The following BMAL1 variants were observed in gnomAD, a reference collection of about 807,000 sequenced individuals.
The protein encoded by BMAL1 is basic helix-loop-helix ARNT like 1, also known as basic helix-loop-helix ARNT-like protein 1.
At chr11:13,386,453 G>C in the BMAL1 span, 6 of 835,204 alleles carry the variant, frequency 7.2e-6, no homozygotes, top group African/African-American at 6.9e-5. Flanking sequence ...TATAAAAAAA[G>C]ATAGCCATGC....
the BMAL1 span, among the ~76,000 whole-genome samples, chr11:13,279,229 T>G: frequency 6.6e-6 from 1 of 152,216 alleles, no homozygotes; most frequent in South Asian, 2.1e-4. Flanking sequence ...CTTCCAAAAA[T>G]CAGATTCCGT....
chr11:13,328,143 T>C, the BMAL1 span, among the ~76,000 whole-genome samples: 1 of 152,208 alleles, frequency 6.6e-6, no homozygotes, highest in Admixed American at 6.5e-5. Flanking sequence ...ACACAAGCCA[T>C]GGCCTGCATC....
the BMAL1 span, among the ~76,000 whole-genome samples, chr11:13,282,941 G>T: frequency 1.3e-5 from 2 of 152,190 alleles, no homozygotes; most frequent in Admixed American, 6.5e-5. Flanking sequence ...CTGCATAGAG[G>T]TGGGGGTGCA....
At chr11:13,369,129 C>T in the BMAL1 span, among the ~76,000 whole-genome samples, 11 of 152,226 alleles carry the variant, frequency 7.2e-5, no homozygotes, top group African/African-American at 2.7e-4. Flanking sequence ...TTCTGGCCTA[C>T]AAGCCAGGTT....
At chr11:13,365,637 C>G in the BMAL1 span, 1 of 1,486,018 alleles carries the variant, frequency 6.7e-7, no homozygotes. Flanking sequence ...TCACAGCAGT[C>G]AGAAGTGTCA....
At chr11:13,325,010 C>A in the BMAL1 span, among the ~76,000 whole-genome samples, 1 of 152,136 alleles carries the variant, frequency 6.6e-6, no homozygotes, top group Non-Finnish European at 1.5e-5. Flanking sequence ...TGTGCTAGAG[C>A]TGTGGGGATG....
chr11:13,289,658 T>G, the BMAL1 span, among the ~76,000 whole-genome samples: 140,703 of 152,216 alleles, frequency 0.92, 65,490 homozygotes, highest in East Asian at 1. Flanking sequence ...TTGTGATAGT[T>G]TGCTCAGAAT....
chr11:13,284,196 G>GTA, the BMAL1 span, among the ~76,000 whole-genome samples: 3,991 of 30,060 alleles, frequency 0.13, 552 homozygotes, highest in Admixed American at 0.2. Flanking sequence ...ATATATATGT[G>GTA]TGTATATATA....
At chr11:13,283,681 T>C in the BMAL1 span, among the ~76,000 whole-genome samples, 2 of 152,176 alleles carry the variant, frequency 1.3e-5, no homozygotes, top group Non-Finnish European at 2.9e-5. Flanking sequence ...ACCAGTCTTA[T>C]TGTTGACAAA....
At chr11:13,322,987 G>T in the BMAL1 span, among the ~76,000 whole-genome samples, 8 of 150,956 alleles carry the variant, frequency 5.3e-5, no homozygotes, top group Admixed American at 2.0e-4. Context: ...TGTAGAGACA[G>T]CGTCTAGCCA....
chr11:13,307,841 C>T, the BMAL1 span, among the ~76,000 whole-genome samples: 1 of 152,200 alleles, frequency 6.6e-6, no homozygotes, highest in South Asian at 2.1e-4. Context: ...CCCAGCCTGC[C>T]CCGAGGCCCG....
At chr11:13,323,864 G>A in the BMAL1 span, among the ~76,000 whole-genome samples, 4 of 152,184 alleles carry the variant, frequency 2.6e-5, no homozygotes, top group Admixed American at 6.5e-5. Context: ...TGATCCACCC[G>A]CCTTGGCCTC....
the BMAL1 span, among the ~76,000 whole-genome samples, chr11:13,329,038 C>A: frequency 6.6e-6 from 1 of 152,114 alleles, no homozygotes; most frequent in African/African-American, 2.4e-5. Flanking sequence ...CTACTAAGAG[C>A]TGGTCACTGT....
chr11:13,354,609 C>T, the BMAL1 span: 1 of 941,950 alleles, frequency 1.1e-6, no homozygotes, highest in South Asian at 1.8e-5. Context: ...TTACCTTCCC[C>T]TAGTTTGTAA....
the BMAL1 span, among the ~76,000 whole-genome samples, chr11:13,288,287 TC>T: frequency 6.6e-6 from 1 of 152,052 alleles, no homozygotes; most frequent in Non-Finnish European, 1.5e-5. Flanking sequence ...AAGTGGTAGA[TC>T]CAGGCTTAAA....
chr11:13,293,134 C>G, the BMAL1 span, among the ~76,000 whole-genome samples: 1 of 152,144 alleles, frequency 6.6e-6, no homozygotes, highest in Non-Finnish European at 1.5e-5. Context: ...AGCAGGCACA[C>G]AGAAACCAGG....
chr11:13,288,429 T>C, the BMAL1 span, among the ~76,000 whole-genome samples: 324 of 104,752 alleles, frequency 3.1e-3, 1 homozygote, highest in Non-Finnish European at 3.3e-3. Flanking sequence ...TTTTTCTTTT[T>C]TTTTTTTTTG....
At chr11:13,284,104 G>A in the BMAL1 span, among the ~76,000 whole-genome samples, 87 of 90,300 alleles carry the variant, frequency 9.6e-4, 3 homozygotes, top group African/African-American at 3.2e-3. Flanking sequence ...GTGTGTGTGT[G>A]TGTGTGTATA....
the BMAL1 span, chr11:13,354,191 C>T: frequency 1.3e-5 from 6 of 460,130 alleles, no homozygotes; most frequent in African/African-American, 2.5e-5. Context: ...CCCCGGGTCT[C>T]CCCCCCCGGC....
Sources: allele counts gnomAD v4.1 joint callset (sites outside exome capture counted in the v4.1 genomes callset), GRCh38; gene constraint gnomAD v4.1.1; transcripts MANE v1.5; gene names NCBI Gene and HGNC (gene_info 2026-07-23, HGNC 2026-07-21).